BMPR2: variants seen among roughly 807,000 people sequenced by gnomAD.
BMPR2 encodes bone morphogenetic protein receptor type-2.
In BMPR2, 29 loss-of-function variants were observed where a neutral mutation model predicts 100.8. The observed-to-expected ratio is 0.29, with a 90% CI of 0.21 to 0.39. The LOEUF is 0.39. BMPR2 is among the 10% of genes least tolerant of loss of function. The pLI is 1.00. For missense variants in BMPR2, 1,011 were observed against 1,274.5 expected, an observed-to-expected ratio of 0.79 and a Z score of 3.15; for synonymous variants, 382 against 442.3, an observed-to-expected ratio of 0.86 and a Z score of 1.71.
chr2:202,431,159 T>C (rs1691495347), intron 1 of BMPR2, among the ~76,000 whole-genome samples: 2 of 150,668 alleles, frequency 1.3e-5, no homozygotes, highest in Non-Finnish European at 2.9e-5. Flanking sequence ...GTTTAATGTT[T>C]TGGTGTCCAT....
chr2:202,556,007 T>C lies in BMPR2; in HGVS notation c.2342T>C (p.Leu781Ser). 3.1e-6 allele frequency: 5 copies of C among 1,614,124 alleles called. No individual in the cohort carries two copies. Among genetic ancestry groups the C allele is most frequent in the Non-Finnish European group, 4.2e-6 (5 of 1,180,014 alleles). ...LKFGSKHKSN[L>S]KQVETGVAKM... ...TTTGGCAGCAAGCACAAATCAAACTTGAAACAAGTCGAAACTGGAGTTGCC... is the reference window on the plus strand; with the variant it reads ...TTTGGCAGCAAGCACAAATCAAACTCGAAACAAGTCGAAACTGGAGTTGCC... Residue 781 changes from leucine to serine, a missense_variant, in exon 12 of 13, where the codon TTG (leucine) becomes TCG (serine). Leu to Ser is a moderately radical substitution (Grantham distance 145, BLOSUM62 -2). Coordinates refer to ENST00000374580, the MANE Select transcript of BMPR2 (RefSeq NM_001204.7).
In BMPR2 at chr2:202,467,744, A is replaced by G. The variant is rs75813650; in HGVS notation, c.418+55A>G. The G allele has an allele frequency of 5.2e-3, 7,967 of 1,540,794 alleles. 338 individuals are homozygous for G. In the African/African-American group the frequency reaches 0.09, roughly 17 times the overall value. On this transcript the variant is annotated intron_variant, in intron 3 of 12. Transcript: ENST00000374580. ...TTTCCTTTCTCCAAAGATTTGCAAA[A>G]TATAAAAAAACTTAAAAAACATTCA...
intron 3 of BMPR2, among the ~76,000 whole-genome samples, chr2:202,493,806 C>T (rs1692962011): frequency 6.6e-6 from 1 of 152,120 alleles, no homozygotes; most frequent in Non-Finnish European, 1.5e-5. Context: ...TCTCTCTCTT[C>T]TTCAGTTTTT....
rs190282052 is a variant in BMPR2, at chr2:202,484,172, G to C, written c.418+16483G>C. ...GGTAAAGTCAAAAAATTTTAAGTCGGGAAGCATCTGTATTTCTCATTTTCA... is the reference window on the plus strand; with the variant it reads ...GGTAAAGTCAAAAAATTTTAAGTCGCGAAGCATCTGTATTTCTCATTTTCA... On this transcript the variant is annotated intron_variant, in intron 3 of 12. Transcript: ENST00000374580. Among the ~76,000 whole-genome samples the C allele has an allele frequency of 3.4e-3, 519 of 152,264 alleles. 3 individuals are homozygous for C. Among genetic ancestry groups the C allele is most frequent in the African/African-American group, 0.012 (503 of 41,558 alleles).
chr2:202,553,726 T>TC (rs1191007645), intron 11 of BMPR2, among the ~76,000 whole-genome samples: 1 of 152,162 alleles, frequency 6.6e-6, no homozygotes. Flanking sequence ...TCTTACTCTG[T>TC]CCCCCAGGCT....
At chr2:202,405,098 C>T (rs900043789) in intron 1 of BMPR2, among the ~76,000 whole-genome samples, 18 of 152,220 alleles carry the variant, frequency 1.2e-4, no homozygotes, top group Admixed American at 2.6e-4. Flanking sequence ...GCTGGGATTA[C>T]GGGCACGAGC....
At chr2:202,387,601 CTTCTT>C (rs1293874628) in intron 1 of BMPR2, among the ~76,000 whole-genome samples, 2 of 152,254 alleles carry the variant, frequency 1.3e-5, no homozygotes, top group Admixed American at 6.5e-5. Flanking sequence ...GATATAGTCT[CTTCTT>C]TTGCTGTAAA....
chr2:202,497,535 C>CT (rs1693065016), intron 3 of BMPR2, among the ~76,000 whole-genome samples: 2 of 152,208 alleles, frequency 1.3e-5, no homozygotes, highest in Non-Finnish European at 2.9e-5. Context: ...CCAGCTTCCG[C>CT]TTTTCCTGTA....
rs894526466 is a variant in BMPR2 at position 202,376,352 on chromosome 2, C to T, written c.-1123C>T. Among the ~76,000 whole-genome samples, 2 of 146,156 alleles carry T rather than the reference C, an allele frequency of 1.4e-5. No individual in the cohort carries two copies. The highest frequency in any genetic ancestry group is 2.5e-5 in the African/African-American group (1 of 39,342). The stretch of plus-strand genomic sequence containing the variant: ...GACTCCCCCCTTTGTGTCTGGTCTG[C>T]TCGGAGCCACTGGAAGTGCCTCCCG... On this transcript the variant is annotated 5_prime_UTR_variant, in exon 1 of 13. Transcript: ENST00000374580.
chr2:202,422,516 C>T (rs1041983435), intron 1 of BMPR2, among the ~76,000 whole-genome samples: 38 of 151,860 alleles, frequency 2.5e-4, no homozygotes, highest in African/African-American at 9.2e-4. Context: ...CCGTGTTAGC[C>T]AGGATGGTCT....
chr2:202,532,483 A>AAC lies in BMPR2; in HGVS notation c.1129-100_1129-99dup. 1.4e-6 allele frequency: 2 copies of AAC among 1,395,234 alleles called. No homozygotes were observed. Among genetic ancestry groups the AAC allele is most frequent in the Non-Finnish European group, 2.0e-6 (2 of 1,000,578 alleles). 86.4% of individuals were successfully genotyped at this position (1,395,234 alleles called of 1,614,324 possible). ...TTTAATGACATGGTTAGGGTCAAAT[A>AAC]ACATTGACATGACTAAGATTTATAT... On this transcript the variant is annotated intron_variant, in intron 8 of 12. Coordinates refer to ENST00000374580, the MANE Select transcript of BMPR2 (RefSeq NM_001204.7). The surrounding 1 kb of genome is among the most constrained non-coding windows in gnomAD (Gnocchi z 4.1).
chr2:202,484,295 G>A (rs1467626007), intron 3 of BMPR2, among the ~76,000 whole-genome samples: 1 of 152,160 alleles, frequency 6.6e-6, no homozygotes, highest in Admixed American at 6.5e-5. Flanking sequence ...TCAAGGCTTT[G>A]TGTTATAATA....
chr2:202,517,497 G>A (rs1306724862), intron 5 of BMPR2, among the ~76,000 whole-genome samples: 2 of 151,910 alleles, frequency 1.3e-5, no homozygotes, highest in African/African-American at 4.8e-5. Flanking sequence ...GACTACAGGC[G>A]CATGCCACCA....
At chr2:202,424,682 C>A (rs1329433330) in intron 1 of BMPR2, among the ~76,000 whole-genome samples, 1 of 151,934 alleles carries the variant, frequency 6.6e-6, no homozygotes, top group Non-Finnish European at 1.5e-5. Context: ...GGCGACAGAG[C>A]GACACTCCGT....
chr2:202,462,114 A>G (rs1017702579), intron 1 of BMPR2, among the ~76,000 whole-genome samples: 13 of 152,224 alleles, frequency 8.5e-5, no homozygotes, highest in Non-Finnish European at 2.9e-5. Flanking sequence ...ACTAAAAGCC[A>G]GTGAAAATGC....
At chr2:202,518,677 C>T (rs76956022) in intron 5 of BMPR2, 145 bp from the exon 6 acceptor site, 1 of 777,742 alleles carries the variant, frequency 1.3e-6, no homozygotes, top group African/African-American at 1.7e-5. Flanking sequence ...CATACTAGAA[C>T]AGAATTTATT....
chr2:202,535,127 G>T (rs79570225), intron 9 of BMPR2, among the ~76,000 whole-genome samples: 19 of 139,544 alleles, frequency 1.4e-4, no homozygotes, highest in South Asian at 4.6e-4. Context: ...CTGGCCGGGC[G>T]GGGGGCTGAC....
chr2:202,447,554 G>A (rs1470777822), intron 1 of BMPR2, among the ~76,000 whole-genome samples: 1 of 150,262 alleles, frequency 6.7e-6, no homozygotes, highest in East Asian at 1.9e-4. Flanking sequence ...GGCGGCATGT[G>A]CCTATAGTCC....
chr2:202,413,190 C>T (rs1358121495), intron 1 of BMPR2, among the ~76,000 whole-genome samples: 1 of 152,130 alleles, frequency 6.6e-6, no homozygotes, highest in Non-Finnish European at 1.5e-5. Context: ...CCATTTAGTG[C>T]CATATTTTTC....
Sources: allele counts gnomAD v4.1 joint callset (sites outside exome capture counted in the v4.1 genomes callset), GRCh38; gene constraint gnomAD v4.1.1; non-coding constraint Gnocchi (gnomAD v3.1); transcripts MANE v1.5; gene names NCBI Gene and HGNC (gene_info 2026-07-23, HGNC 2026-07-21).